The following ATP2B2 variants were observed in gnomAD, a reference collection of about 807,000 sequenced individuals.
ATP2B2 encodes ATPase plasma membrane Ca2+ transporting 2, also known as plasma membrane calcium-transporting ATPase 2.
In ATP2B2, 15 loss-of-function variants were observed where a neutral mutation model predicts 120.0. The observed-to-expected ratio is 0.12, with a 90% CI of 0.08 to 0.19. The LOEUF (loss-of-function observed/expected upper bound fraction) is 0.19. ATP2B2 is among the 10% of genes least tolerant of loss of function. The pLI is 1.00. For missense variants in ATP2B2, 1,045 were observed against 1,719.8 expected (o/e 0.61, Z 6.94); for synonymous variants, 694 against 700.3 (o/e 0.99, Z 0.14).
intron 10 of ATP2B2, 62 bp downstream of exon 10, chr3:10,378,190 C>G (rs1330532841): frequency 1.3e-6 from 2 of 1,579,322 alleles, no homozygotes; most frequent in Non-Finnish European, 1.7e-6. Flanking sequence ...GAGCATGGGG[C>G]AGGGCTCTGC....
intron 5 of ATP2B2, among the ~76,000 whole-genome samples, chr3:10,400,113 G>A (rs1198050749): frequency 6.6e-6 from 1 of 152,248 alleles, no homozygotes; most frequent in Non-Finnish European, 1.5e-5. Flanking sequence ...CCTGTGAAAA[G>A]GGGCCTCACC....
At chr3:10,575,353 T>A (rs1440077254) in intron 2 of ATP2B2, among the ~76,000 whole-genome samples, 2 of 152,026 alleles carry the variant, frequency 1.3e-5, no homozygotes, top group Non-Finnish European at 2.9e-5. Flanking sequence ...CTAAGGCCAA[T>A]GGGGCTCAGA....
chr3:10,388,673 G>A (rs955525085), intron 5 of ATP2B2, among the ~76,000 whole-genome samples: 1 of 152,128 alleles, frequency 6.6e-6, no homozygotes, highest in African/African-American at 2.4e-5. Flanking sequence ...GCCCTGGAGG[G>A]TCACTTCCTC....
intron 5 of ATP2B2, among the ~76,000 whole-genome samples, chr3:10,399,999 G>A (rs1209052249): frequency 6.6e-6 from 1 of 152,168 alleles, no homozygotes; most frequent in Non-Finnish European, 1.5e-5. Flanking sequence ...AATCACTGGT[G>A]GGTTGGGGGT....
intron 3 of ATP2B2, among the ~76,000 whole-genome samples, chr3:10,407,889 C>A (rs1004733567): frequency 6.6e-6 from 1 of 152,202 alleles, no homozygotes; most frequent in Non-Finnish European, 1.5e-5. Flanking sequence ...TCATTCACCC[C>A]CTTTTATGGA....
Position 10,603,265 on chromosome 3 carries a change from C to T in ATP2B2, c.-415+16652G>A, listed in dbSNP as rs1005249894. 2.6e-5 allele frequency among the ~76,000 whole-genome samples: 4 copies of T among 152,220 alleles called. No individual in the cohort carries two copies. In the East Asian group the frequency reaches 7.7e-4, roughly 29 times the overall value. The stretch of plus-strand genomic sequence containing the variant: ...AAATGAGCCGATGCCTCTAAAATGC[C>T]TAGCACGGTGCCCGGTGTGTTTGGC... On this transcript the variant is annotated intron_variant, in intron 2 of 21. Coordinates refer to the ATP2B2 transcript ENST00000646379.
In ATP2B2 at chr3:10,521,456, C is replaced by T. The variant is rs568613554; in HGVS notation, c.-320+12583G>A. On this transcript the variant is annotated intron_variant, in intron 3 of 21. Coordinates refer to the ATP2B2 transcript ENST00000646379. Reference sequence around the variant, plus strand: ...TAAACCCATAGCCAGTGGATAATGTCGGTGATTATGGACAGGTGTTTAATC... The same window carrying T: ...TAAACCCATAGCCAGTGGATAATGTTGGTGATTATGGACAGGTGTTTAATC... 1.1e-4 allele frequency among the ~76,000 whole-genome samples: 17 copies of T among 152,300 alleles called. 1 individual carries two copies. In the East Asian group the frequency reaches 3.3e-3, roughly 29 times the overall value.
At chr3:10,544,819 T>C (rs1021593431) in intron 2 of ATP2B2, among the ~76,000 whole-genome samples, 1 of 152,242 alleles carries the variant, frequency 6.6e-6, no homozygotes, top group Admixed American at 6.5e-5. Context: ...GCTCATGTCC[T>C]GCAGACACTT....
Position 10,340,420 on chromosome 3 carries a change from C to T in ATP2B2, c.3130-71G>A. The T allele has an allele frequency of 6.2e-7, 1 of 1,613,200 alleles. No homozygotes were observed. Among genetic ancestry groups the T allele is most frequent in the Admixed American group, 1.7e-5 (1 of 60,022 alleles). ...AGGGACCAGCACAGAGGGCTGGGCT[C>T]TCAGGGTCCTGCCCAGGGGCTCCAG... is the stretch of plus-strand genomic sequence containing the variant. On this transcript the variant is annotated intron_variant, in intron 20 of 22. Transcript: ENST00000360273. This position sits in a 1 kb window ranked among gnomAD's most constrained non-coding sequence, Gnocchi z 5.0.
chr3:10,582,683 T>C lies in ATP2B2; in HGVS notation c.-415+37234A>G, dbSNP rs76187887. 9.2e-3 allele frequency among the ~76,000 whole-genome samples: 1,400 copies of C among 152,262 alleles called. 13 individuals are homozygous for C. Among genetic ancestry groups the C allele is most frequent in the East Asian group, 0.028 (143 of 5,174 alleles). On this transcript the variant is annotated intron_variant, in intron 2 of 21. Transcript: ENST00000646379. ...AGCCAGTAAGATCTGGGAAGTGTGC[T>C]GGAGGCAGAGGGAACGGTAAGTGTA...
upstream of ATP2B2, among the ~76,000 whole-genome samples, chr3:10,510,308 G>C (rs1029313707): frequency 6.6e-6 from 1 of 152,206 alleles, no homozygotes; most frequent in African/African-American, 2.4e-5. Context: ...ACAAAACCCT[G>C]GGAGGTGGAT....
At chr3:10,543,900 G>A (rs1232216603) in intron 2 of ATP2B2, among the ~76,000 whole-genome samples, 7 of 151,992 alleles carry the variant, frequency 4.6e-5, no homozygotes, top group East Asian at 1.9e-4. Context: ...CATCATGCCC[G>A]TCTAATTTTT....
At chr3:10,478,921 G>C (rs888415091) in intron 1 of ATP2B2, among the ~76,000 whole-genome samples, 6 of 152,124 alleles carry the variant, frequency 3.9e-5, no homozygotes, top group African/African-American at 1.4e-4. Context: ...ATGATAGTGA[G>C]TGAGTTCTCA....
At chr3:10,604,710 A>G (rs1306326273) in intron 2 of ATP2B2, among the ~76,000 whole-genome samples, 1 of 152,186 alleles carries the variant, frequency 6.6e-6, no homozygotes, top group Non-Finnish European at 1.5e-5. Flanking sequence ...AGACCAGGTA[A>G]CACTAGGCCA....
At chr3:10,512,600 T>TA (rs1474537055) in intron 3 of ATP2B2, among the ~76,000 whole-genome samples, 1 of 151,842 alleles carries the variant, frequency 6.6e-6, no homozygotes, top group Non-Finnish European at 1.5e-5. Context: ...AGAGTGGAGC[T>TA]AACAAACCCA....
chr3:10,608,475 G>A (rs1412745731), intron 2 of ATP2B2, among the ~76,000 whole-genome samples: 1 of 152,224 alleles, frequency 6.6e-6, no homozygotes, highest in African/African-American at 2.4e-5. Flanking sequence ...GTAAGACCAA[G>A]TCCTGACTCC....
intron 2 of ATP2B2, among the ~76,000 whole-genome samples, chr3:10,585,169 G>A (rs1211043979): frequency 2.6e-5 from 4 of 152,116 alleles, no homozygotes; most frequent in Admixed American, 6.5e-5. Flanking sequence ...CCACACCTCT[G>A]ATCAAACTTC....
In ATP2B2 at chr3:10,350,190, C is replaced by T; in HGVS notation, c.2326G>A (p.Glu776Lys). 1 of 1,613,046 alleles carries T rather than the reference C, an allele frequency of 6.2e-7. No individual in the cohort carries two copies. ...TTTGGCCAGATCTTGTCAATTCGCT[C>T]CTGCTCAATCTGGAGAGGGATGGGG... is the stretch of plus-strand genomic sequence containing the variant. ...IRNEKGEIEQ[E>K]RIDKIWPKLR... The change falls in exon 16 of 23, where the codon GAG (glutamate) becomes AAG (lysine). Residue 776 changes from glutamate (E) to lysine (K), a missense_variant. Coordinates refer to ENST00000360273, the MANE Select transcript of ATP2B2 (RefSeq NM_001001331.4).
At chr3:10,453,986 A>G (rs1021304539) in intron 1 of ATP2B2, among the ~76,000 whole-genome samples, 7 of 149,030 alleles carry the variant, frequency 4.7e-5, no homozygotes, top group Non-Finnish European at 7.4e-5. Flanking sequence ...TCACTCACTG[A>G]CCCTTCCATC....
Sources: gnomAD v4.1 joint callset for allele counts (sites outside exome capture counted in the v4.1 genomes callset) on GRCh38, gnomAD v4.1.1 for gene constraint, Gnocchi (gnomAD v3.1) non-coding constraint, MANE v1.5 for transcripts, NCBI Gene and HGNC (gene_info 2026-07-23, HGNC 2026-07-21) for gene names.